MIB1: variants seen among roughly 807,000 people sequenced by gnomAD.
The protein encoded by MIB1 is MIB E3 ubiquitin protein ligase 1.
In MIB1, 278 loss-of-function variants were observed where a neutral mutation model predicts 124.5. That is an observed-to-expected ratio of 2.23 (90% CI 2.02 to 2.47). MIB1 has a LOEUF of 2.47. MIB1 is among the 30% of genes most tolerant of loss of function. The probability of loss-of-function intolerance (pLI) is 0.00; values close to 1 mark genes in which losing one functional copy is unlikely to be tolerated. For synonymous variants in MIB1, 446 were observed against 429.4 expected, an observed-to-expected ratio of 1.04 and a Z score of -0.48; for missense variants, 957 against 1,254.4, an observed-to-expected ratio of 0.76 and a Z score of 3.58.
chr18:21,712,564 C>T (rs1157264331), intron 1 of MIB1, among the ~76,000 whole-genome samples: 1 of 152,184 alleles, frequency 6.6e-6, no homozygotes, highest in Non-Finnish European at 1.5e-5. Context: ...CTATGGGTGG[C>T]CTCCATCAGA....
intron 1 of MIB1, among the ~76,000 whole-genome samples, chr18:21,755,265 T>G (rs1237257398): frequency 6.6e-6 from 1 of 152,142 alleles, no homozygotes; most frequent in Non-Finnish European, 1.5e-5. Flanking sequence ...TGTGAACTAG[T>G]CTGATACCTA....
chr18:21,775,616 T>C (rs1027097302), intron 4 of MIB1, among the ~76,000 whole-genome samples: 2 of 152,258 alleles, frequency 1.3e-5, no homozygotes, highest in Admixed American at 6.5e-5. Flanking sequence ...TTTTTATTAT[T>C]GTATATAGCA....
At chr18:21,717,557 A>C (rs577117566) in intron 1 of MIB1, among the ~76,000 whole-genome samples, 10 of 152,228 alleles carry the variant, frequency 6.6e-5, no homozygotes, top group African/African-American at 2.2e-4. Flanking sequence ...AAGAAAAAAA[A>C]CAAACAATCC....
At chr18:21,823,462 GA>G (rs1246375822) in intron 12 of MIB1, among the ~76,000 whole-genome samples, 1 of 151,622 alleles carries the variant, frequency 6.6e-6, no homozygotes, top group East Asian at 1.9e-4. Flanking sequence ...GTTATTTCCA[GA>G]ACCTGATGAA....
At chr18:21,761,609 A>C (rs1598597356) in intron 1 of MIB1, among the ~76,000 whole-genome samples, 1 of 152,190 alleles carries the variant, frequency 6.6e-6, no homozygotes, top group Non-Finnish European at 1.5e-5. Context: ...TCCCTCCCTC[A>C]GTGGACCTGG....
At chr18:21,760,189 A>G (rs969611130) in intron 1 of MIB1, among the ~76,000 whole-genome samples, 1 of 152,232 alleles carries the variant, frequency 6.6e-6, no homozygotes, top group African/African-American at 2.4e-5. Flanking sequence ...ATTAAATTTT[A>G]TGAAATAAAA....
intron 10 of MIB1, among the ~76,000 whole-genome samples, chr18:21,805,371 A>G (rs975003498): frequency 3.9e-5 from 6 of 152,136 alleles, no homozygotes; most frequent in African/African-American, 1.4e-4. Flanking sequence ...TTTTATTACT[A>G]TGATGTCTTT....
At chr18:21,720,790 A>G (rs1426745776) in intron 1 of MIB1, among the ~76,000 whole-genome samples, 5 of 152,274 alleles carry the variant, frequency 3.3e-5, no homozygotes, top group African/African-American at 9.6e-5. Flanking sequence ...CTCTACAAAA[A>G]ATAAGAAATA....
chr18:21,857,013 A>G (rs752985058), intron 18 of MIB1, 117 bp from the exon 19 acceptor site: 2 of 705,834 alleles, frequency 2.8e-6, no homozygotes, highest in Non-Finnish European at 5.1e-6. Flanking sequence ...GCATATTGCT[A>G]TAACTTGTAT....
intron 11 of MIB1, chr18:21,817,527 T>C (rs1343781930): frequency 4.8e-6 from 1 of 209,560 alleles, no homozygotes; most frequent in Non-Finnish European, 9.8e-6. Context: ...CACAACTATC[T>C]AACTCTCATT....
chr18:21,805,675 T>C (rs2041696553), intron 10 of MIB1, among the ~76,000 whole-genome samples: 1 of 151,704 alleles, frequency 6.6e-6, no homozygotes, highest in Non-Finnish European at 1.5e-5. Flanking sequence ...TGATTACAGC[T>C]AATAAGGCAA....
chr18:21,765,769 T>G lies in MIB1; in HGVS notation c.230-3T>G. On this transcript the variant is annotated splice_polypyrimidine_tract_variant and splice_region_variant and intron_variant, in intron 1 of 20. Transcript: ENST00000261537. ...ATCTGAGCATGTGTCCTTGTTTTAATAGGCATCAAGCATGATGGAACCATG... is the reference window on the plus strand; with the variant it reads ...ATCTGAGCATGTGTCCTTGTTTTAAGAGGCATCAAGCATGATGGAACCATG... 1 of 1,611,614 alleles carries G rather than the reference T, an allele frequency of 6.2e-7. No homozygotes were observed.
chr18:21,815,476 C>T, intron 10 of MIB1, 140 bp from the exon 11 acceptor site: 1 of 721,410 alleles, frequency 1.4e-6, no homozygotes. Context: ...AGCCACTGCA[C>T]CTGGTCAAGT....
rs1555695874 is a variant in MIB1, at chr18:21,842,116, A to AAAG, written c.1963-1009_1963-1007dup. Among the ~76,000 whole-genome samples the AAAG allele has an allele frequency of 1.2e-3, 144 of 121,148 alleles. 9 individuals are homozygous for AAAG. The highest frequency in any genetic ancestry group is 2.1e-3 in the East Asian group (8 of 3,846). 79.5% of individuals were successfully genotyped at this position (121,148 alleles called of 152,430 possible). On this transcript the variant is annotated intron_variant, in intron 13 of 20. Transcript: ENST00000261537. ...CAAAAAAAAAAAAAAAAAAAAAAAA[A>AAAG]AAGAAGAAAAGAAGCTGAGATCAGG...
intron 4 of MIB1, among the ~76,000 whole-genome samples, chr18:21,775,350 C>A (rs973707138): frequency 1.3e-5 from 2 of 152,110 alleles, no homozygotes; most frequent in African/African-American, 2.4e-5. Context: ...AACAAACCTC[C>A]CACCTCAACC....
chr18:21,777,352 G>A (rs1308920830), intron 4 of MIB1, among the ~76,000 whole-genome samples: 3 of 151,838 alleles, frequency 2.0e-5, no homozygotes, highest in African/African-American at 7.3e-5. Context: ...CCCAGGAGGC[G>A]GAGGTTGCAG....
At chr18:21,825,569 C>T (rs1235762839) in intron 12 of MIB1, 1 of 410,960 alleles carries the variant, frequency 2.4e-6, no homozygotes, top group African/African-American at 2.1e-5. Context: ...ACCATTCTAG[C>T]TTTTCCAGGT....
Position 21,741,535 on chromosome 18 carries a change from A to AGCGGCGGCGGCGGCG in MIB1, c.-43_-29dup, listed in dbSNP as rs755675508. The AGCGGCGGCGGCGGCG allele has an allele frequency of 4.9e-6, 6 of 1,231,356 alleles. No individual in the cohort carries two copies. The African/African-American group carries it at 8.1e-5, about 17-fold the overall frequency. 76.3% of individuals were successfully genotyped at this position (1,231,356 alleles called of 1,614,324 possible). On this transcript the variant is annotated 5_prime_UTR_variant, in exon 1 of 21. Transcript: ENST00000261537. The surrounding 1 kb of genome is among the most constrained non-coding windows in gnomAD (Gnocchi z 5.4). ...ACTCCCTCACGGGCCCCCCGGCGGC[A>AGCGGCGGCGGCGGCG]GCGGCGGCGGCGGCGGCGGCAGCGG...
At chr18:21,781,203 G>A (rs1233809339) in intron 6 of MIB1, among the ~76,000 whole-genome samples, 1 of 150,418 alleles carries the variant, frequency 6.6e-6, no homozygotes, top group African/African-American at 2.4e-5. Flanking sequence ...GAGCCACCTC[G>A]ACTGGCCAGT....
Sources: allele counts gnomAD v4.1 joint callset (sites outside exome capture counted in the v4.1 genomes callset), GRCh38; gene constraint gnomAD v4.1.1; non-coding constraint Gnocchi (gnomAD v3.1); transcripts MANE v1.5; gene names NCBI Gene and HGNC (gene_info 2026-07-23, HGNC 2026-07-21).